The following ZNF253 variants were observed in gnomAD, a reference collection of about 807,000 sequenced individuals.
ZNF253 encodes DNA-binding protein.
ZNF253 carries 8 observed loss-of-function variants against 11.9 expected under a neutral mutation model. The ratio of observed to expected loss-of-function variants is 0.67; its 90% confidence interval spans 0.40 to 1.22. The LOEUF (loss-of-function observed/expected upper bound fraction) is 1.22, where lower values mean the gene tolerates loss of function less well. Among genes scored for constraint, ZNF253 ranks in the 50% most tolerant of loss-of-function variants. The pLI, the probability that ZNF253 is intolerant of heterozygous loss-of-function variation, is 0.01. For synonymous variants in ZNF253, 194 were observed against 194.9 expected (o/e 1.00, Z 0.04); for missense variants, 485 against 586.9 (o/e 0.83, Z 1.79).
rs775268537 is a variant in ZNF253 at position 19,891,560 on chromosome 19, T to C, written c.313T>C (p.Cys105Arg). Residue 105 changes from cysteine to arginine, a missense_variant, in exon 4 of 4, where the codon TGC becomes CGC. By Grantham distance (180) the Cys-to-Arg change is radical. Coordinates refer to ENST00000589717, the MANE Select transcript of ZNF253 (RefSeq NM_021047.3). The part of the protein sequence containing the change: ...QIGMLRRYEE[C>R]RHDNLQLKKG... ...AGGGATGCTGAGAAGATATGAAGAA[T>C]GCAGACATGACAATTTACAGTTAAA... The C allele has an allele frequency of 8.1e-6, 13 of 1,614,004 alleles. 1 individual carries two copies. The South Asian group carries it at 1.3e-4, about 16-fold the overall frequency.
chr19:19,873,935 T>G (rs559824946), intron 1 of ZNF253, among the ~76,000 whole-genome samples: 1 of 151,760 alleles, frequency 6.6e-6, no homozygotes, highest in African/African-American at 2.4e-5. Context: ...TTTTTTGAGA[T>G]AGAGTCTCTG....
At chr19:19,866,501 G>GTT (rs34627033) in intron 1 of ZNF253, among the ~76,000 whole-genome samples, 42,120 of 144,284 alleles carry the variant, frequency 0.29, 6,417 homozygotes, top group East Asian at 0.56. Flanking sequence ...AGGAAGGAAG[G>GTT]TTTTTTTTTT....
chr19:19,875,701 CTCTT>C (rs1000044464), intron 1 of ZNF253, among the ~76,000 whole-genome samples: 16 of 152,074 alleles, frequency 1.1e-4, no homozygotes, highest in East Asian at 1.9e-4. Flanking sequence ...AGCCATTAAA[CTCTT>C]TCTTTCTTTA....
At chr19:19,888,544 G>C (rs1339105864) in intron 3 of ZNF253, among the ~76,000 whole-genome samples, 2 of 151,814 alleles carry the variant, frequency 1.3e-5, no homozygotes, top group Non-Finnish European at 2.9e-5. Context: ...ACCTCTAAAA[G>C]ATCCAACAAT....
chr19:19,868,560 C>CT (rs889366863), intron 1 of ZNF253, among the ~76,000 whole-genome samples: 1 of 151,808 alleles, frequency 6.6e-6, no homozygotes, highest in Non-Finnish European at 1.5e-5. Context: ...CACTCATGAA[C>CT]TTTTTTTTAT....
Position 19,891,745 on chromosome 19 carries a change from T to C in ZNF253, c.498T>C (p.His166=). The C allele has an allele frequency of 6.2e-7, 1 of 1,614,100 alleles. No homozygotes were observed. Among genetic ancestry groups the C allele is most frequent in the Non-Finnish European group, 8.5e-7 (1 of 1,180,006 alleles). ...FSNSNTYKTR[H]TGINLFKCII... is the part of the protein sequence containing the mutation. ...ATTCAAACACATATAAGACAAGACA[T>C]ACTGGAATAAATCTTTTCAAATGTA... The change falls in exon 4 of 4, where the codon CAT becomes CAC. Residue 166 remains histidine (H), a synonymous_variant. Transcript: ENST00000589717.
At chr19:19,875,038 T>TCCTA (rs1478788813) in intron 1 of ZNF253, among the ~76,000 whole-genome samples, 35 of 152,254 alleles carry the variant, frequency 2.3e-4, no homozygotes, top group African/African-American at 8.2e-4. Flanking sequence ...TCTCACCCTA[T>TCCTA]CCTAGGTCTG....
chr19:19,891,682 A>G lies in ZNF253; in HGVS notation c.435A>G (p.Gln145=), dbSNP rs201777795. The G allele has an allele frequency of 4.3e-5, 69 of 1,614,116 alleles. No homozygotes were observed. The African/African-American group carries it at 8.8e-4, about 21-fold the overall frequency. Residue 145 remains glutamine, a synonymous_variant, in exon 4 of 4, where the codon CAA becomes CAG. Coordinates refer to ENST00000589717, the MANE Select transcript of ZNF253 (RefSeq NM_021047.3). ...CAACTACCCAGAAAGAAATATTTCA[A>G]TGTGATAAATATGGAAAAGTCTTTC... ...CLTTTQKEIF[Q]CDKYGKVFHK...
rs2122147883 is a variant in ZNF253, at chr19:19,894,308, T to A, written c.*1561T>A. 2.0e-5 allele frequency: 3 copies of A among 152,364 alleles called. No individual in the cohort carries two copies. The South Asian group carries it at 6.2e-4, about 32-fold the overall frequency. 9.4% of individuals were successfully genotyped at this position (152,364 alleles called of 1,614,324 possible). ...AGCTTTCACATTGCTTTATGCTATT[T>A]TATTCCTATTATATTCACATGTGAA... On this transcript the variant is annotated 3_prime_UTR_variant, in exon 4 of 4. Transcript: ENST00000589717.
rs201726829 is a variant in ZNF253 at position 19,891,549 on chromosome 19, G to C, written c.302G>C (p.Arg101Thr). Reference sequence around the variant, plus strand: ...TCTTTCCAAATAGGGATGCTGAGAAGATATGAAGAATGCAGACATGACAAT... The same window carrying C: ...TCTTTCCAAATAGGGATGCTGAGAACATATGAAGAATGCAGACATGACAAT... ...QNSFQIGMLR[R>T]YEECRHDNLQ... is the part of the protein sequence containing the mutation. The change falls in exon 4 of 4, where the codon AGA (arginine) becomes ACA (threonine). Residue 101 changes from arginine (R) to threonine (T), a missense_variant. Physicochemically the swap from Arg to Thr is moderately conservative, Grantham distance 71. Coordinates refer to ENST00000589717, the MANE Select transcript of ZNF253 (RefSeq NM_021047.3). 466 of 1,613,894 alleles carry C rather than the reference G, an allele frequency of 2.9e-4. No homozygotes were observed. Among genetic ancestry groups the C allele is most frequent in the Non-Finnish European group, 3.7e-4 (437 of 1,179,994 alleles).
chr19:19,878,553 C>A lies in ZNF253; in HGVS notation c.76C>A (p.Arg26=). ...GTGGCATTGCCTGGACACTGCACAG[C>A]GGAATTTATATAGGGATGTGATGTT... is the stretch of plus-strand genomic sequence containing the variant. ...EEWHCLDTAQ[R]NLYRDVMLEN... is the part of the protein sequence containing the mutation. The change falls in exon 2 of 4, where the codon CGG becomes AGG. Residue 26 remains arginine (R), a synonymous_variant. Coordinates refer to ENST00000589717, the MANE Select transcript of ZNF253 (RefSeq NM_021047.3). The A allele has an allele frequency of 1.2e-6, 2 of 1,613,756 alleles. No homozygotes were observed. Among genetic ancestry groups the A allele is most frequent in the East Asian group, 2.2e-5 (1 of 44,846 alleles).
At chr19:19,868,309 G>A (rs1368215582) in intron 1 of ZNF253, among the ~76,000 whole-genome samples, 1 of 151,956 alleles carries the variant, frequency 6.6e-6, no homozygotes, top group Non-Finnish European at 1.5e-5. Flanking sequence ...TATCTTGCAA[G>A]GTTTCTTACA....
At chr19:19,887,785 T>C in intron 3 of ZNF253, among the ~76,000 whole-genome samples, 1 of 149,346 alleles carries the variant, frequency 6.7e-6, no homozygotes. Flanking sequence ...TTTTTTTTTT[T>C]TTTTTTAGAA....
chr19:19,894,276 A>C lies in ZNF253; in HGVS notation c.*1529A>C, dbSNP rs2063245445. 6.6e-6 allele frequency: 1 copy of C among 152,234 alleles called. No individual in the cohort carries two copies. 9.4% of individuals were successfully genotyped at this position (152,234 alleles called of 1,614,324 possible). On this transcript the variant is annotated 3_prime_UTR_variant, in exon 4 of 4. Transcript: ENST00000589717. ...ATTTTTTTGAAAAGTGAATAATGAT[A>C]TAATACAGCTTTCACATTGCTTTAT...
At chr19:19,867,659 G>A (rs1389634590) in intron 1 of ZNF253, among the ~76,000 whole-genome samples, 2 of 152,184 alleles carry the variant, frequency 1.3e-5, no homozygotes, top group Non-Finnish European at 2.9e-5. Context: ...ATGAGCCACC[G>A]CATCTGACCA....
At chr19:19,877,782 A>G (rs1271898800) in intron 1 of ZNF253, among the ~76,000 whole-genome samples, 2 of 152,132 alleles carry the variant, frequency 1.3e-5, no homozygotes, top group African/African-American at 4.8e-5. Flanking sequence ...ATTTTTTTTT[A>G]CAATAGAGTT....
At chr19:19,877,594 C>T (rs1291656470) in intron 1 of ZNF253, among the ~76,000 whole-genome samples, 1 of 152,050 alleles carries the variant, frequency 6.6e-6, no homozygotes, top group Non-Finnish European at 1.5e-5. Flanking sequence ...AGGCTGGTCT[C>T]GAACTCCCGA....
At position 19,873,034 on chromosome 19, in the gene ZNF253, A is replaced by C. The variant is rs553187390; in HGVS notation, c.4-5447A>C. Among the ~76,000 whole-genome samples the C allele has an allele frequency of 2.6e-5, 4 of 152,270 alleles. No individual in the cohort carries two copies. In the East Asian group the frequency reaches 5.8e-4, roughly 22 times the overall value. On this transcript the variant is annotated intron_variant, in intron 1 of 3. Transcript: ENST00000589717. Reference sequence around the variant, plus strand: ...AAAACTAACAAAAGGCATTTTCTGTATTGTGAGATGTCAGCATAGACATCC... The same window carrying C: ...AAAACTAACAAAAGGCATTTTCTGTCTTGTGAGATGTCAGCATAGACATCC...
In ZNF253 at chr19:19,894,121, T is replaced by C. The variant is rs1453750646; in HGVS notation, c.*1374T>C. The C allele has an allele frequency of 6.6e-6, 1 of 152,204 alleles. No individual in the cohort carries two copies. Among genetic ancestry groups the C allele is most frequent in the Non-Finnish European group, 1.5e-5 (1 of 68,022 alleles). The allele number at this position is 152,204 out of a possible 1,614,324, so 9.4% of individuals were successfully genotyped here. A position where few individuals can be genotyped will look rare whatever the true frequency, so the allele number is the denominator to read the frequency against. On this transcript the variant is annotated 3_prime_UTR_variant, in exon 4 of 4. Transcript: ENST00000589717. ...CTGACACTTCAGACATTACACTAAA[T>C]CAGAATGTTCAGTATAAAAACTAAT...
Sources: gnomAD v4.1 joint callset for allele counts (sites outside exome capture counted in the v4.1 genomes callset) on GRCh38, gnomAD v4.1.1 for gene constraint, MANE v1.5 for transcripts, NCBI Gene and HGNC (gene_info 2026-07-23, HGNC 2026-07-21) for gene names.